FUCA1: variants seen among roughly 807,000 people sequenced by gnomAD.
FUCA1 encodes alpha-L-fucosidase 1.
In FUCA1, 52 loss-of-function variants were observed where a neutral mutation model predicts 56.8. The ratio of observed to expected loss-of-function variants is 0.92; its 90% confidence interval spans 0.73 to 1.15. FUCA1 has a LOEUF of 1.15. FUCA1 is among the 50% of genes most tolerant of loss of function. The probability of loss-of-function intolerance (pLI) is 0.00; values close to 1 mark genes in which losing one functional copy is unlikely to be tolerated. For synonymous variants in FUCA1, 230 were observed against 226.6 expected (o/e 1.02, Z -0.14); for missense variants, 568 against 592.6 (o/e 0.96, Z 0.43).
At chr1:23,856,915 C>T (rs983378739) in intron 4 of FUCA1, among the ~76,000 whole-genome samples, 1 of 151,786 alleles carries the variant, frequency 6.6e-6, no homozygotes, top group African/African-American at 2.4e-5. Context: ...TTGTGTGAAC[C>T]CAGGAGGCGG....
At chr1:23,857,501 C>CTT (rs113826697) in intron 4 of FUCA1, among the ~76,000 whole-genome samples, 3 of 145,546 alleles carry the variant, frequency 2.1e-5, no homozygotes, top group African/African-American at 7.5e-5. Context: ...GAAAACCACT[C>CTT]TTTTTTTTTT....
chr1:23,848,654 A>G lies in FUCA1; in HGVS notation c.1155T>C (p.Ser385=), dbSNP rs370751789. 1 of 1,614,016 alleles carries G rather than the reference A, an allele frequency of 6.2e-7. No homozygotes were observed. The highest frequency in any genetic ancestry group is 1.3e-5 in the African/African-American group (1 of 74,924). The change falls in exon 6 of 8, where the codon TCT becomes TCC. Residue 385 remains serine (S), a synonymous_variant. Transcript: ENST00000374479. ...WRVQWEKNTT[S]VWYTSKGSAV... is the part of the protein sequence containing the mutation. ...CAACAGAAGACAAGACTCACCATAC[A>G]GATGTTGTGTTCTTTTCCCATTGCA... is the stretch of plus-strand genomic sequence containing the variant.
intron 7 of FUCA1, 42 bp downstream of exon 7, chr1:23,846,032 T>C: frequency 6.4e-7 from 1 of 1,554,028 alleles, no homozygotes. Flanking sequence ...TGCCAATTCC[T>C]TTACAGAAAG....
intron 4 of FUCA1, among the ~76,000 whole-genome samples, chr1:23,857,682 T>C (rs554960368): frequency 3.8e-4 from 58 of 152,086 alleles, no homozygotes; most frequent in African/African-American, 1.0e-3. Context: ...TTTTCTTTTT[T>C]TTTGAGACAG....
At chr1:23,848,568 G>T (rs968167357) in intron 6 of FUCA1, 81 bp downstream of exon 6, 1 of 1,363,984 alleles carries the variant, frequency 7.3e-7, no homozygotes, top group Non-Finnish European at 1.0e-6. Context: ...AGCCTGGCTT[G>T]TGACATTGTG....
At chr1:23,853,191 G>A (rs1383245318) in intron 5 of FUCA1, among the ~76,000 whole-genome samples, 48 of 149,250 alleles carry the variant, frequency 3.2e-4, no homozygotes, top group African/African-American at 1.1e-3. Context: ...GGTGAGGAGC[G>A]TCTCTGCCCA....
At chr1:23,859,766 G>A (rs1639468317) in intron 4 of FUCA1, 32 bp downstream of exon 4, 6 of 1,374,876 alleles carry the variant, frequency 4.4e-6, no homozygotes, top group Non-Finnish European at 6.2e-6. Flanking sequence ...TTTCTTCATA[G>A]GAGATAAATA....
rs1285533466 is a variant in FUCA1 at position 23,848,696 on chromosome 1, G to A, written c.1113C>T (p.Ala371=). The change falls in exon 6 of 8, where the codon GCC becomes GCT. Residue 371 remains alanine, a synonymous_variant. Coordinates refer to ENST00000374479, the MANE Select transcript of FUCA1 (RefSeq NM_000147.5). The part of the protein sequence containing the change: ...WLSINGEAIY[A]SKPWRVQWEK... ...CCCATTGCACCCGCCATGGTTTGGA[G>A]GCATAGATAGCCTCCCCATTGATGC... 8 of 1,614,064 alleles carry A rather than the reference G, an allele frequency of 5.0e-6. No homozygotes were observed. The highest frequency in any genetic ancestry group is 6.8e-6 in the Non-Finnish European group (8 of 1,180,034).
At chr1:23,866,573 C>G (rs1639628655) in intron 1 of FUCA1, among the ~76,000 whole-genome samples, 1 of 152,202 alleles carries the variant, frequency 6.6e-6, no homozygotes, top group Non-Finnish European at 1.5e-5. Context: ...GTATTTTAGG[C>G]TCTGTGGGAG....
chr1:23,853,499 C>A (rs1376557844), intron 5 of FUCA1, among the ~76,000 whole-genome samples: 1 of 151,680 alleles, frequency 6.6e-6, no homozygotes, highest in Non-Finnish European at 1.5e-5. Flanking sequence ...GGCGCCTCTG[C>A]CCGGCCGCCC....
intron 3 of FUCA1, 68 bp from the exon 4 acceptor site, chr1:23,859,971 T>C: frequency 6.8e-6 from 3 of 442,570 alleles, no homozygotes; most frequent in South Asian, 4.1e-5. Context: ...TTATGGACCA[T>C]TTTTTTTTTT....
rs1429103747 is a variant in FUCA1 at position 23,868,131 on chromosome 1, C to A, written c.156G>T (p.Trp52Cys). The A allele has an allele frequency of 6.2e-7, 1 of 1,611,416 alleles. No individual in the cohort carries two copies. The highest frequency in any genetic ancestry group is 8.5e-7 in the Non-Finnish European group (1 of 1,179,530). ...ACACCCCGAACTTGGCTTCGTCGAA[C>A]CAGGCCGGCAGCGGCCGAGAATCCA... is the stretch of plus-strand genomic sequence containing the variant. The part of the protein sequence containing the change: ...PSLDSRPLPA[W>C]FDEAKFGVFI... Residue 52 changes from tryptophan to cysteine, a missense_variant, in exon 1 of 8, where the codon TGG (tryptophan) becomes TGT (cysteine). Trp to Cys is a radical substitution (Grantham distance 215). Coordinates refer to ENST00000374479, the MANE Select transcript of FUCA1 (RefSeq NM_000147.5).
chr1:23,862,956 A>C (rs1353070185), intron 3 of FUCA1, among the ~76,000 whole-genome samples, 178 bp downstream of exon 3: 3 of 152,250 alleles, frequency 2.0e-5, no homozygotes, highest in African/African-American at 4.8e-5. Context: ...ACATGACAGA[A>C]GTTCTGAAAG....
intron 5 of FUCA1, 77 bp from the exon 6 acceptor site, chr1:23,848,916 A>G (rs1639201207): frequency 8.0e-7 from 1 of 1,250,718 alleles, no homozygotes; most frequent in Non-Finnish European, 1.2e-6. Context: ...ACAGAGAAGA[A>G]AAAGAATCTA....
chr1:23,849,308 AT>A (rs1480107210), intron 5 of FUCA1, among the ~76,000 whole-genome samples: 2 of 152,022 alleles, frequency 1.3e-5, no homozygotes, highest in Non-Finnish European at 1.5e-5. Flanking sequence ...CTCTATATAT[AT>A]TTTTGTCACT....
At chr1:23,846,642 C>A (rs879419381) in intron 6 of FUCA1, among the ~76,000 whole-genome samples, 1 of 151,606 alleles carries the variant, frequency 6.6e-6, no homozygotes, top group Non-Finnish European at 1.5e-5. Flanking sequence ...AGTGCAGTGG[C>A]GTGATCTTGG....
intron 3 of FUCA1, 43 bp from the exon 4 acceptor site, chr1:23,859,946 G>T: frequency 1.5e-6 from 2 of 1,342,268 alleles, no homozygotes; most frequent in Non-Finnish European, 2.1e-6. Context: ...ATCTGAACAT[G>T]TTCACAGTAA....
chr1:23,848,724 A>G lies in FUCA1; in HGVS notation c.1085T>C (p.Leu362Pro). 1.9e-6 allele frequency: 3 copies of G among 1,614,200 alleles called. No individual in the cohort carries two copies. Among genetic ancestry groups the G allele is most frequent in the Non-Finnish European group, 1.7e-6 (2 of 1,180,028 alleles). ...ATAGATAGCCTCCCCATTGATGCTC[A>G]GCCATTTCCCAACAGCAAGAAGCCT... ...QERLLAVGKW[L>P]SINGEAIYAS... Residue 362 changes from leucine to proline, a missense_variant, in exon 6 of 8, where the codon CTG (leucine) becomes CCG (proline). Leu to Pro is a moderately conservative substitution (Grantham distance 98). Transcript: ENST00000374479.
rs529591002 is a variant in FUCA1 at position 23,853,472 on chromosome 1, C to T, written c.969+888G>A. Among the ~76,000 whole-genome samples, 1,044 of 149,960 alleles carry T rather than the reference C, an allele frequency of 7.0e-3. 18 individuals are homozygous for T. Among genetic ancestry groups the T allele is most frequent in the African/African-American group, 0.023 (951 of 40,678 alleles). On this transcript the variant is annotated intron_variant, in intron 5 of 7. Coordinates refer to ENST00000374479, the MANE Select transcript of FUCA1 (RefSeq NM_000147.5). ...TCAGCCCCCCGCCCAGCCAGCCGCC[C>T]GGTCCGGGAGGTGAGGGGCGCCTCT... is the stretch of plus-strand genomic sequence containing the variant.
Sources: allele counts gnomAD v4.1 joint callset (sites outside exome capture counted in the v4.1 genomes callset), GRCh38; gene constraint gnomAD v4.1.1; transcripts MANE v1.5; gene names NCBI Gene and HGNC (gene_info 2026-07-23, HGNC 2026-07-21).